Variants in UPF3A observed in about 807,000 individuals in gnomAD.
UPF3A encodes regulator of nonsense transcripts 3A.
Under a neutral mutation model 53.5 loss-of-function variants are expected in UPF3A, and 42 were observed. The ratio of observed to expected loss-of-function variants is 0.78; its 90% CI spans 0.61 to 1.01. The LOEUF (loss-of-function observed/expected upper bound fraction) is 1.01, where lower values mean the gene tolerates loss of function less well. Ranked by LOEUF, UPF3A falls within the 50% of genes least tolerant of loss-of-function variation. UPF3A has a pLI of 0.00. For synonymous variants in UPF3A, 237 were observed against 225.3 expected (o/e 1.05, Z -0.47); for missense variants, 575 against 598.0 (o/e 0.96, Z 0.40).
chr13:114,282,904 A>G lies in UPF3A; in HGVS notation c.382A>G (p.Arg128Gly), dbSNP rs773891566. 6.8e-6 allele frequency: 11 copies of G among 1,612,158 alleles called. No homozygotes were observed. Among genetic ancestry groups the G allele is most frequent in the Admixed American group, 3.3e-5 (2 of 59,850 alleles). ...FRNPDDILLF[R>G]DRFDGYIFLD... The stretch of plus-strand genomic sequence containing the variant: ...GAATCCTGATGACATCCTTCTTTTT[A>G]GAGATCGTTTTGATGGATATATCTT... Residue 128 changes from arginine (R) to glycine (G), a missense_variant, in exon 3 of 10, where the codon AGA (arginine) becomes GGA (glycine). Physicochemically the swap from Arg to Gly is moderately radical, Grantham distance 125 (BLOSUM62 -2). Transcript: ENST00000375299.
chr13:114,286,820 G>A (rs2139176229), intron 5 of UPF3A, 191 bp downstream of exon 5: 1 of 591,316 alleles, frequency 1.7e-6, no homozygotes, highest in Non-Finnish European at 3.0e-6. Context: ...TCTGAGCGTT[G>A]GTTGATGGAG....
In UPF3A at chr13:114,291,683, A is replaced by G. The variant is rs1293598191; in HGVS notation, c.737A>G (p.Lys246Arg). 2 of 1,608,460 alleles carry G rather than the reference A, an allele frequency of 1.2e-6. No individual in the cohort carries two copies. The highest frequency in any genetic ancestry group is 8.5e-7 in the Non-Finnish European group (1 of 1,177,640). The change falls in exon 7 of 10, where the codon AAG becomes AGG. Residue 246 changes from lysine (K) to arginine (R), a missense_variant. Physicochemically the swap from Lys to Arg is conservative, Grantham distance 26. Transcript: ENST00000375299. ...GAACGGAGGAGGAGAGAGTTAGAAA[A>G]GAAACGTTTGCGGGAAGAGGAAAAA... is the stretch of plus-strand genomic sequence containing the variant. ...REERRRRELEKKRLREEEKRR... is the reference protein window; with the variant it reads ...REERRRRELERKRLREEEKRR...
At chr13:114,294,855 G>C (rs2085693678) in intron 7 of UPF3A, among the ~76,000 whole-genome samples, 1 of 146,318 alleles carries the variant, frequency 6.8e-6, no homozygotes, top group Non-Finnish European at 1.5e-5. Context: ...GCTCACACCT[G>C]TAATCCTGGC....
intron 5 of UPF3A, among the ~76,000 whole-genome samples, chr13:114,288,347 C>T (rs1247329382): frequency 6.6e-6 from 1 of 151,822 alleles, no homozygotes; most frequent in Non-Finnish European, 1.5e-5. Flanking sequence ...TGGGAGACTC[C>T]CTCCAAGATA....
At chr13:114,294,875 G>C (rs1003097228) in intron 7 of UPF3A, among the ~76,000 whole-genome samples, 16 of 150,198 alleles carry the variant, frequency 1.1e-4, no homozygotes, top group African/African-American at 3.2e-4. Flanking sequence ...CACTTTGGGA[G>C]GCCGAGGTGG....
chr13:114,299,964 T>C (rs2086444105), intron 8 of UPF3A, among the ~76,000 whole-genome samples: 1 of 152,260 alleles, frequency 6.6e-6, no homozygotes, highest in African/African-American at 2.4e-5. Flanking sequence ...TTTCTACTTC[T>C]TGGGAGTTTT....
intron 3 of UPF3A, chr13:114,284,020 T>A (rs2084397959): frequency 2.0e-6 from 2 of 985,448 alleles, no homozygotes; most frequent in South Asian, 4.7e-5. Context: ...GACCTTTGTG[T>A]TCATTGCTCA....
In UPF3A at chr13:114,296,788, C is replaced by T. The variant is rs566709841; in HGVS notation, c.847-2052C>T. On this transcript the variant is annotated intron_variant, in intron 7 of 9. Coordinates refer to ENST00000375299, the MANE Select transcript of UPF3A (RefSeq NM_023011.4). ...TCAGAGTTGAGTTGAATGTGGAGCA[C>T]GCAGCTGGTGTCGGAGGGGTGGTAT... is the stretch of plus-strand genomic sequence containing the variant. 1.6e-4 allele frequency among the ~76,000 whole-genome samples: 24 copies of T among 152,176 alleles called. No homozygotes were observed. The East Asian group carries it at 4.1e-3, about 26-fold the overall frequency.
intron 7 of UPF3A, among the ~76,000 whole-genome samples, chr13:114,298,568 G>A (rs76925746): frequency 0.028 from 4,250 of 152,176 alleles, 205 homozygotes; most frequent in African/African-American, 0.098. Context: ...TGAGATTGTG[G>A]TGCATGTTCT....
chr13:114,299,123 T>C, intron 8 of UPF3A, 123 bp downstream of exon 8: 1 of 1,011,926 alleles, frequency 9.9e-7, no homozygotes, highest in Non-Finnish European at 1.3e-6. Context: ...GGTGTGCGAG[T>C]ACACGTTAGC....
chr13:114,281,926 G>GGGAGGGA (rs1328779371), intron 1 of UPF3A, 80 bp downstream of exon 1: 2 of 1,109,610 alleles, frequency 1.8e-6, no homozygotes, highest in African/African-American at 1.7e-5. Context: ...GGGGAGGGAG[G>GGGAGGGA]GGCGGGGGCC....
At chr13:114,292,410 C>T (rs1418861405) in intron 7 of UPF3A, among the ~76,000 whole-genome samples, 1 of 147,456 alleles carries the variant, frequency 6.8e-6, no homozygotes. Flanking sequence ...CTTACACGTG[C>T]AGGTGTGCCA....
chr13:114,302,601 G>C (rs2086692368), intron 9 of UPF3A, among the ~76,000 whole-genome samples: 1 of 152,160 alleles, frequency 6.6e-6, no homozygotes, highest in Admixed American at 6.6e-5. Context: ...GGCTGCCTAG[G>C]GTTCCAGTTC....
chr13:114,291,779 A>C lies in UPF3A; in HGVS notation c.833A>C (p.Glu278Ala). ...TDKQKKIAEK[E>A]VRIKLLKKPE... The stretch of plus-strand genomic sequence containing the variant: ...AAACAGAAGAAAATTGCAGAGAAAG[A>C]AGTAAGGATTAAGGTAATTCTGAGG... Residue 278 changes from glutamate (E) to alanine (A), a missense_variant, in exon 7 of 10, where the codon GAA becomes GCA. Around this residue, in one of 2 missense-constraint regions of UPF3A, gnomAD observed 323 missense variants for 415.2 expected, o/e 0.78. Coordinates refer to ENST00000375299, the MANE Select transcript of UPF3A (RefSeq NM_023011.4). 1.3e-6 allele frequency: 2 copies of C among 1,593,240 alleles called. No homozygotes were observed. Among genetic ancestry groups the C allele is most frequent in the Non-Finnish European group, 1.7e-6 (2 of 1,171,928 alleles).
At chr13:114,282,732 G>T in intron 2 of UPF3A, 105 bp from the exon 3 acceptor site, 1 of 1,510,296 alleles carries the variant, frequency 6.6e-7, no homozygotes, top group Non-Finnish European at 8.8e-7. Context: ...TGGCACAAAA[G>T]TTTTATCTAA....
At chr13:114,294,938 C>G (rs1263728039) in intron 7 of UPF3A, among the ~76,000 whole-genome samples, 1 of 151,576 alleles carries the variant, frequency 6.6e-6, no homozygotes, top group East Asian at 1.9e-4. Context: ...CGGTGAAACC[C>G]TATCTCTACT....
intron 5 of UPF3A, among the ~76,000 whole-genome samples, chr13:114,289,637 G>A (rs2085082762): frequency 6.6e-6 from 1 of 152,122 alleles, no homozygotes; most frequent in African/African-American, 2.4e-5. Flanking sequence ...AGTGTTAAAT[G>A]GAAATACTAA....
chr13:114,304,461 A>G lies in UPF3A; in HGVS notation c.1303-328A>G, dbSNP rs1220584849. On this transcript the variant is annotated intron_variant, in intron 9 of 9. Coordinates refer to ENST00000375299, the MANE Select transcript of UPF3A (RefSeq NM_023011.4). ...CTCACGTTAATAAGTTTTAGTTGGC[A>G]GATCTGAAACCATCTGTGAGGGTCC... is the stretch of plus-strand genomic sequence containing the variant. 2.6e-5 allele frequency among the ~76,000 whole-genome samples: 4 copies of G among 152,356 alleles called. No homozygotes were observed. The East Asian group carries it at 7.7e-4, about 29-fold the overall frequency.
intron 8 of UPF3A, among the ~76,000 whole-genome samples, chr13:114,300,541 G>GT (rs59630261): frequency 0.32 from 47,440 of 147,276 alleles, 8,285 homozygotes; most frequent in African/African-American, 0.47. Flanking sequence ...GCTAATTTTT[G>GT]TTTTTTTTTT....
Sources: gnomAD v4.1 joint callset for allele counts (sites outside exome capture counted in the v4.1 genomes callset) on GRCh38, gnomAD v4.1.1 for gene constraint, gnomAD v4.1.1 regional missense constraint, MANE v1.5 for transcripts, NCBI Gene and HGNC (gene_info 2026-07-23, HGNC 2026-07-21) for gene names.